NRXN3: variants seen among roughly 807,000 people sequenced by gnomAD.
The protein encoded by NRXN3 is neurexin III.
NRXN3 carries 32 observed loss-of-function variants against 137.6 expected under a neutral mutation model. The ratio of observed to expected loss-of-function variants is 0.23; its 90% CI spans 0.18 to 0.31. NRXN3 has a LOEUF of 0.31. Ranked by LOEUF, NRXN3 falls within the 10% of genes least tolerant of loss-of-function variation. The pLI, the probability that NRXN3 is intolerant of heterozygous loss-of-function variation, is 1.00. For missense variants in NRXN3, 1,574 were observed against 2,062.5 expected, an observed-to-expected ratio of 0.76 and a Z score of 4.59; for synonymous variants, 798 against 784.5, an observed-to-expected ratio of 1.02 and a Z score of -0.29.
chr14:78,372,491 A>G (rs2087040409), intron 4 of NRXN3, among the ~76,000 whole-genome samples: 1 of 151,664 alleles, frequency 6.6e-6, no homozygotes, highest in Admixed American at 6.6e-5. Flanking sequence ...TGCCTGGCTA[A>G]TTTTTTTGTA....
At chr14:78,497,241 A>G (rs1409707886) in intron 4 of NRXN3, among the ~76,000 whole-genome samples, 4 of 152,196 alleles carry the variant, frequency 2.6e-5, no homozygotes, top group Admixed American at 1.3e-4. Context: ...ACTCTTGAGC[A>G]TAAGTTTTGA....
chr14:79,542,123 T>C (rs1335282307), intron 16 of NRXN3, among the ~76,000 whole-genome samples: 1 of 152,200 alleles, frequency 6.6e-6, no homozygotes, highest in East Asian at 1.9e-4. Context: ...TAAATTAAGA[T>C]GTAGCTTTGT....
intron 10 of NRXN3, among the ~76,000 whole-genome samples, chr14:78,931,468 A>C (rs562069917): frequency 3.0e-4 from 45 of 152,290 alleles, no homozygotes; most frequent in Non-Finnish European, 5.6e-4. Context: ...ATCACATTTA[A>C]AAAGTAGGTG....
In NRXN3 at chr14:78,920,576, T is replaced by A. The variant is rs544149131; in HGVS notation, c.2276-36666T>A. On this transcript the variant is annotated intron_variant, in intron 10 of 20. Transcript: ENST00000335750. ...TGATACTACCTGGAGTTAGCACAGA[T>A]CCCCCAGGTTAAGGACTCAGTCTCA... is the stretch of plus-strand genomic sequence containing the variant. Among the ~76,000 whole-genome samples, 20 of 152,122 alleles carry A rather than the reference T, an allele frequency of 1.3e-4. No homozygotes were observed. In the South Asian group the frequency reaches 3.1e-3, roughly 24 times the overall value.
At chr14:78,736,830 A>C (rs991627775) in intron 8 of NRXN3, among the ~76,000 whole-genome samples, 14 of 152,232 alleles carry the variant, frequency 9.2e-5, no homozygotes, top group Non-Finnish European at 1.8e-4. Flanking sequence ...CTTATTAGAT[A>C]AATGTTCAGG....
At chr14:79,137,105 T>C (rs925141319) in intron 15 of NRXN3, among the ~76,000 whole-genome samples, 4 of 152,234 alleles carry the variant, frequency 2.6e-5, no homozygotes, top group African/African-American at 9.6e-5. Context: ...CTTTTGTTTC[T>C]ATATGTCCTG....
intron 10 of NRXN3, among the ~76,000 whole-genome samples, chr14:78,813,238 T>A (rs2098920126): frequency 6.6e-6 from 1 of 152,232 alleles, no homozygotes; most frequent in Admixed American, 6.5e-5. Flanking sequence ...GAGAAGACTA[T>A]GCAATTAAAT....
At chr14:78,642,710 C>CT (rs1159381814) in intron 4 of NRXN3, among the ~76,000 whole-genome samples, 3 of 152,214 alleles carry the variant, frequency 2.0e-5, no homozygotes, top group Non-Finnish European at 4.4e-5. Flanking sequence ...TCCAGGTCTC[C>CT]TGAGCAGGGC....
chr14:79,161,308 A>G (rs2060745028), intron 15 of NRXN3, among the ~76,000 whole-genome samples: 1 of 151,954 alleles, frequency 6.6e-6, no homozygotes, highest in Admixed American at 6.6e-5. Flanking sequence ...TAAGATAGAT[A>G]CTTGGAGAAG....
intron 6 of NRXN3, among the ~76,000 whole-genome samples, chr14:78,676,766 G>A (rs2098012349): frequency 6.6e-6 from 1 of 152,104 alleles, no homozygotes; most frequent in East Asian, 1.9e-4. Flanking sequence ...TAGAGGACAG[G>A]CTAAACTCTC....
chr14:78,339,501 C>T (rs2081918135), intron 4 of NRXN3, among the ~76,000 whole-genome samples: 1 of 152,054 alleles, frequency 6.6e-6, no homozygotes, highest in African/African-American at 2.4e-5. Context: ...CTGGGTCACC[C>T]TTCCTTAGAC....
At position 78,943,625 on chromosome 14, in the gene NRXN3, T is replaced by TATATATAA. The variant is rs1567778392; in HGVS notation, c.2276-13610_2276-13609insAATATATA. ...AGATCACTGTTAAAAAAAAAAAATA[T>TATATATAA]ATATATATATATATATATATATATA... On this transcript the variant is annotated intron_variant, in intron 10 of 20. Coordinates refer to ENST00000335750, the MANE Select transcript of NRXN3 (RefSeq NM_001330195.2). 1.7e-3 allele frequency among the ~76,000 whole-genome samples: 19 copies of TATATATAA among 11,064 alleles called. 1 individual carries two copies. Among genetic ancestry groups the TATATATAA allele is most frequent in the African/African-American group, 5.2e-3 (18 of 3,494 alleles). 7.3% of individuals were successfully genotyped at this position (11,064 alleles called of 152,430 possible).
intron 16 of NRXN3, among the ~76,000 whole-genome samples, chr14:79,545,026 T>C (rs184862004): frequency 1.6e-3 from 251 of 152,342 alleles, no homozygotes; most frequent in African/African-American, 5.8e-3. Flanking sequence ...ATAACCAAGA[T>C]AGCATGTAGC....
At chr14:78,201,758 C>T (rs1342905809) in intron 1 of NRXN3, among the ~76,000 whole-genome samples, 4 of 152,192 alleles carry the variant, frequency 2.6e-5, no homozygotes, top group South Asian at 2.1e-4. Flanking sequence ...GGAGAAATCT[C>T]ACCACCACGG....
intron 15 of NRXN3, among the ~76,000 whole-genome samples, chr14:79,415,911 A>C (rs922703746): frequency 1.3e-5 from 2 of 152,140 alleles, no homozygotes; most frequent in Non-Finnish European, 2.9e-5. Context: ...TCTGCATTTA[A>C]CAGATTTCTT....
chr14:78,904,368 A>G (rs2099208093), intron 10 of NRXN3, among the ~76,000 whole-genome samples: 1 of 152,080 alleles, frequency 6.6e-6, no homozygotes, highest in Admixed American at 6.6e-5. Context: ...GTCCAGCCCA[A>G]CATGTCAATA....
chr14:79,385,380 G>A (rs1475070322), intron 15 of NRXN3, among the ~76,000 whole-genome samples: 1 of 151,764 alleles, frequency 6.6e-6, no homozygotes, highest in African/African-American at 2.4e-5. Flanking sequence ...CCCTACAAAG[G>A]ACATGAACTC....
At chr14:79,177,205 A>G (rs1302103275) in intron 15 of NRXN3, among the ~76,000 whole-genome samples, 2 of 152,186 alleles carry the variant, frequency 1.3e-5, no homozygotes, top group African/African-American at 4.8e-5. Context: ...ATTATCCTCT[A>G]AAATAGTCCC....
chr14:79,493,644 A>G (rs1293744652), intron 16 of NRXN3, among the ~76,000 whole-genome samples: 1 of 152,206 alleles, frequency 6.6e-6, no homozygotes, highest in African/African-American at 2.4e-5. Context: ...TTTTATTCCA[A>G]CTATGATCTA....
Sources: gnomAD v4.1 joint callset for allele counts (sites outside exome capture counted in the v4.1 genomes callset) on GRCh38, gnomAD v4.1.1 for gene constraint, MANE v1.5 for transcripts, NCBI Gene and HGNC (gene_info 2026-07-23, HGNC 2026-07-21) for gene names.